The following MCHR2 variants were observed in gnomAD, a reference collection of about 807,000 sequenced individuals.
MCHR2 encodes the protein melanin-concentrating hormone receptor 2.
MCHR2 carries 15 observed loss-of-function variants against 24.8 expected under a neutral mutation model. That is an observed-to-expected ratio of 0.60 (90% CI 0.40 to 0.93). The LOEUF (loss-of-function observed/expected upper bound fraction) is 0.93. MCHR2 is among the 40% of genes least tolerant of loss of function. MCHR2 has a pLI of 0.00. For synonymous variants in MCHR2, 151 were observed against 147.6 expected, an observed-to-expected ratio of 1.02 and a Z score of -0.17; for missense variants, 386 against 408.7, an observed-to-expected ratio of 0.94 and a Z score of 0.48.
chr6:99,930,418 A>G (rs1253496674), intron 5 of MCHR2, among the ~76,000 whole-genome samples: 1 of 152,146 alleles, frequency 6.6e-6, no homozygotes, highest in East Asian at 1.9e-4. Flanking sequence ...CTCCTGGATA[A>G]TATCCTGCAG....
rs1258814488 is a variant in MCHR2, at chr6:99,943,157, C to T, written c.393-14G>A. Reference sequence around the variant, plus strand: ...AGGGCAAAGTACCTGCAAAGGCAGTCAGGAAGAGTTTTGGAACAATCAATA... The same window carrying T: ...AGGGCAAAGTACCTGCAAAGGCAGTTAGGAAGAGTTTTGGAACAATCAATA... On this transcript the variant is annotated splice_polypyrimidine_tract_variant and intron_variant, in intron 3 of 5. Transcript: ENST00000281806. The T allele has an allele frequency of 3.1e-6, 5 of 1,597,324 alleles. No homozygotes were observed. In the Admixed American group the frequency reaches 8.5e-5, roughly 27 times the overall value.
intron 5 of MCHR2, among the ~76,000 whole-genome samples, chr6:99,926,994 T>C (rs1774377280): frequency 6.6e-6 from 1 of 152,216 alleles, no homozygotes; most frequent in South Asian, 2.1e-4. Flanking sequence ...CTTTAATCCA[T>C]GTTGAATTAA....
chr6:99,940,122 A>G (rs1187072061), intron 4 of MCHR2, among the ~76,000 whole-genome samples: 3 of 151,904 alleles, frequency 2.0e-5, no homozygotes, highest in Non-Finnish European at 4.4e-5. Flanking sequence ...CTGGATATTT[A>G]CATCTTTCTC....
intron 1 of MCHR2, among the ~76,000 whole-genome samples, chr6:99,978,063 C>T (rs1372204929): frequency 6.6e-6 from 1 of 152,022 alleles, no homozygotes; most frequent in Non-Finnish European, 1.5e-5. Context: ...CATGATGTGG[C>T]AAAGGTATAG....
At chr6:99,979,139 C>T (rs7739904) in intron 1 of MCHR2, among the ~76,000 whole-genome samples, 59,447 of 151,888 alleles carry the variant, frequency 0.39, 11,966 homozygotes, top group East Asian at 0.71. Flanking sequence ...AGTGGTAGAG[C>T]GTCTTGTTTT....
chr6:99,975,917 G>T (rs1775540512), intron 1 of MCHR2, among the ~76,000 whole-genome samples: 1 of 152,140 alleles, frequency 6.6e-6, no homozygotes, highest in African/African-American at 2.4e-5. Flanking sequence ...GAATTCTTTT[G>T]CTAAGTGACC....
At chr6:99,929,398 A>G (rs1774450238) in intron 5 of MCHR2, among the ~76,000 whole-genome samples, 2 of 151,986 alleles carry the variant, frequency 1.3e-5, no homozygotes, top group Admixed American at 1.3e-4. Context: ...ATCCTTGTTA[A>G]CTTTCTGTCT....
chr6:99,986,210 T>A (rs1320311983), intron 1 of MCHR2, among the ~76,000 whole-genome samples: 2 of 152,150 alleles, frequency 1.3e-5, no homozygotes, highest in African/African-American at 2.4e-5. Flanking sequence ...AGGAATACTT[T>A]TACATTGTTA....
At chr6:99,952,986 A>G (rs2114536735) in intron 2 of MCHR2, among the ~76,000 whole-genome samples, 1 of 152,264 alleles carries the variant, frequency 6.6e-6, no homozygotes, top group Admixed American at 6.5e-5. Context: ...GGTCCGTACA[A>G]TGGCTCAGGT....
chr6:99,965,914 A>G (rs1245644782), intron 1 of MCHR2, among the ~76,000 whole-genome samples: 1 of 152,182 alleles, frequency 6.6e-6, no homozygotes, highest in Non-Finnish European at 1.5e-5. Context: ...TCCAAGACTA[A>G]TGGCTTCACA....
chr6:99,960,171 GT>G (rs138572059), intron 1 of MCHR2, among the ~76,000 whole-genome samples: 2,886 of 152,202 alleles, frequency 0.019, 32 homozygotes, highest in Middle Eastern at 0.041. Flanking sequence ...CCAGGAGAGA[GT>G]GGGATGATAT....
intron 1 of MCHR2, among the ~76,000 whole-genome samples, chr6:99,987,253 A>G (rs1775787186): frequency 6.6e-6 from 1 of 152,102 alleles, no homozygotes; most frequent in Non-Finnish European, 1.5e-5. Context: ...GGCACATGCC[A>G]CTGCACCCGG....
chr6:99,956,191 A>G lies in MCHR2; in HGVS notation c.-27-17T>C, dbSNP rs1165683328. The G allele has an allele frequency of 1.3e-6, 2 of 1,506,834 alleles. No homozygotes were observed. Among genetic ancestry groups the G allele is most frequent in the African/African-American group, 2.8e-5 (2 of 71,746 alleles). 93.3% of individuals were successfully genotyped at this position (1,506,834 alleles called of 1,614,324 possible). On this transcript the variant is annotated splice_polypyrimidine_tract_variant and intron_variant, in intron 1 of 5. Coordinates refer to ENST00000281806, the MANE Select transcript of MCHR2 (RefSeq NM_001040179.2). ...GGATTAAAGCTGTGAAGTAATAGGA[A>G]GTGATTTATTTAGTGAACATTCCCT... is the stretch of plus-strand genomic sequence containing the variant.
intron 1 of MCHR2, among the ~76,000 whole-genome samples, chr6:99,991,137 A>G (rs1175054563): frequency 2.0e-5 from 3 of 151,920 alleles, no homozygotes; most frequent in Admixed American, 1.3e-4. Flanking sequence ...AGGTGCGGGC[A>G]TGGAGATAAA....
chr6:99,946,888 G>C (rs1774881986), intron 3 of MCHR2, among the ~76,000 whole-genome samples: 1 of 152,050 alleles, frequency 6.6e-6, no homozygotes, highest in South Asian at 2.1e-4. Flanking sequence ...TCTGTTTGGG[G>C]TGAGCTGCTA....
At chr6:99,943,211 T>G in intron 3 of MCHR2, 68 bp from the exon 4 acceptor site, 1 of 1,296,948 alleles carries the variant, frequency 7.7e-7, no homozygotes, top group Non-Finnish European at 1.1e-6. Flanking sequence ...GATGAAAGGT[T>G]CATGATGAGA....
Position 99,929,321 on chromosome 6 carries a change from T to C in MCHR2, c.707+5077A>G, listed in dbSNP as rs1487631385. ...GAAAAAAATGTATATTCTGTTGATT[T>C]GGGGTGGAGAGTTCTGTAGATGTCT... On this transcript the variant is annotated intron_variant, in intron 5 of 5. Transcript: ENST00000281806. 1.3e-4 allele frequency among the ~76,000 whole-genome samples: 20 copies of C among 151,816 alleles called. 1 individual carries two copies. The East Asian group carries it at 3.7e-3, about 28-fold the overall frequency.
intron 5 of MCHR2, among the ~76,000 whole-genome samples, chr6:99,926,046 C>T (rs896849182): frequency 3.3e-5 from 5 of 151,816 alleles, no homozygotes; most frequent in Non-Finnish European, 1.5e-5. Context: ...CATGTGTTCT[C>T]ATTGTTCAAT....
chr6:99,954,131 C>T, intron 2 of MCHR2, among the ~76,000 whole-genome samples: 1 of 152,058 alleles, frequency 6.6e-6, no homozygotes, highest in South Asian at 2.1e-4. Context: ...TTTTGATGAC[C>T]TCTTTGTTTT....
Sources: allele counts gnomAD v4.1 joint callset (sites outside exome capture counted in the v4.1 genomes callset), GRCh38; gene constraint gnomAD v4.1.1; transcripts MANE v1.5; gene names NCBI Gene and HGNC (gene_info 2026-07-23, HGNC 2026-07-21).